Variants in HNRNPA1L2 observed in about 807,000 individuals in gnomAD.
HNRNPA1L2 encodes heterogeneous nuclear ribonucleoprotein A1 like 2.
Under a neutral mutation model 18.2 loss-of-function variants are expected in HNRNPA1L2, and 10 were observed. The observed-to-expected ratio is 0.55, with a 90% CI of 0.34 to 0.93. The LOEUF is 0.93. HNRNPA1L2 is among the 40% of genes least tolerant of loss of function. The pLI is 0.02. For synonymous variants in HNRNPA1L2, 124 were observed against 138.6 expected (o/e 0.89, Z 0.74); for missense variants, 308 against 394.4 (o/e 0.78, Z 1.85).
chr13:52,630,349 C>G, the HNRNPA1L2 span, among the ~76,000 whole-genome samples: 1 of 152,016 alleles, frequency 6.6e-6, no homozygotes, highest in Non-Finnish European at 1.5e-5. Flanking sequence ...CCATCTTGGC[C>G]CACTGCAACC....
chr13:52,635,575 A>AAC, the HNRNPA1L2 span, among the ~76,000 whole-genome samples: 5,148 of 143,260 alleles, frequency 0.036, 115 homozygotes, highest in East Asian at 0.095. Context: ...GTCCTTTTGC[A>AAC]ACACACACAC....
rs754645942 is a variant in HNRNPA1L2 at position 52,643,314 on chromosome 13, A to G, written c.822A>G (p.Gly274=). 2.8e-5 allele frequency: 44 copies of G among 1,596,596 alleles called. No homozygotes were observed. Among genetic ancestry groups the G allele is most frequent in the Non-Finnish European group, 3.1e-5 (37 of 1,179,084 alleles). ...ACAACAATCAGTCTTCAAATTTTGG[A>G]CCCATGAAGGGAGGAAATTTTGGAG... The part of the protein sequence containing the change: ...GNYNNQSSNF[G]PMKGGNFGGR... The change falls in exon 1 of 1, where the codon GGA becomes GGG. Residue 274 remains glycine, a synonymous_variant. Transcript: ENST00000357495.
At chr13:52,622,413 G>C in the HNRNPA1L2 span, 7,016 of 152,272 alleles carry the variant, frequency 0.046, 172 homozygotes, top group South Asian at 0.085. Context: ...AACACAGGGA[G>C]TCTAATAATT....
the HNRNPA1L2 span, among the ~76,000 whole-genome samples, chr13:52,630,654 T>C: frequency 6.6e-6 from 1 of 152,224 alleles, no homozygotes; most frequent in Non-Finnish European, 1.5e-5. Flanking sequence ...TTAAGTAAAA[T>C]CAGGCACTTG....
chr13:52,631,146 G>C, the HNRNPA1L2 span, among the ~76,000 whole-genome samples: 1 of 152,106 alleles, frequency 6.6e-6, no homozygotes, highest in East Asian at 1.9e-4. Context: ...ATCAACCCCA[G>C]ACAACCCAGG....
chr13:52,623,993 G>A, the HNRNPA1L2 span, among the ~76,000 whole-genome samples: 1 of 152,326 alleles, frequency 6.6e-6, no homozygotes, highest in East Asian at 1.9e-4. Flanking sequence ...TTAGCTGAGG[G>A]TGTTAGCAGA....
upstream of HNRNPA1L2, chr13:52,642,130 T>A: frequency 7.7e-6 from 2 of 259,452 alleles, no homozygotes; most frequent in Non-Finnish European, 1.5e-5. Context: ...TATATACCCC[T>A]TCTTAAACCA....
the HNRNPA1L2 span, among the ~76,000 whole-genome samples, chr13:52,625,810 C>T: frequency 6.6e-5 from 10 of 152,030 alleles, no homozygotes; most frequent in African/African-American, 1.9e-4. Context: ...CAGGGTGTTG[C>T]TCTGTGGCCC....
At position 52,643,411 on chromosome 13, in the gene HNRNPA1L2, G is replaced by A. The variant is rs753291696; in HGVS notation, c.919G>A (p.Val307Ile). The A allele has an allele frequency of 4.4e-5, 70 of 1,598,498 alleles. No individual in the cohort carries two copies. The highest frequency in any genetic ancestry group is 2.0e-4 in the East Asian group (9 of 44,890). ...AKPQNQGGYG[V>I]SSSSSSYGSG... ...ACCACAAAACCAAGGTGGCTATGGCGTTTCCAGCAGCAGCAGTAGCTATGG... is the reference window on the plus strand; with the variant it reads ...ACCACAAAACCAAGGTGGCTATGGCATTTCCAGCAGCAGCAGTAGCTATGG... Residue 307 changes from valine to isoleucine, a missense_variant, in exon 1 of 1, where the codon GTT becomes ATT. Physicochemically the swap from Val to Ile is conservative, Grantham distance 29. Coordinates refer to ENST00000357495, the MANE Select transcript of HNRNPA1L2 (RefSeq NM_001389320.1).
chr13:52,636,024 A>G, the HNRNPA1L2 span, among the ~76,000 whole-genome samples: 1 of 152,102 alleles, frequency 6.6e-6, no homozygotes, highest in East Asian at 1.9e-4. Flanking sequence ...TTTAGTAAAG[A>G]TGGGGTTTCA....
At chr13:52,632,635 T>C in the HNRNPA1L2 span, 2 of 152,538 alleles carry the variant, frequency 1.3e-5, no homozygotes, top group Admixed American at 1.3e-4. Flanking sequence ...AATGTGGCGG[T>C]TGTTAGAAGG....
the HNRNPA1L2 span, among the ~76,000 whole-genome samples, chr13:52,637,048 G>A: frequency 5.3e-5 from 8 of 152,166 alleles, no homozygotes; most frequent in African/African-American, 1.7e-4. Context: ...GGTCAGGCTG[G>A]TATTGAACTC....
At chr13:52,617,807 T>G in the HNRNPA1L2 span, 1 of 393,132 alleles carries the variant, frequency 2.5e-6, no homozygotes. Context: ...TAGAAGCTAT[T>G]GCTTTAAATC....
the HNRNPA1L2 span, among the ~76,000 whole-genome samples, chr13:52,620,821 T>A: frequency 6.6e-6 from 1 of 151,674 alleles, no homozygotes; most frequent in Non-Finnish European, 1.5e-5. Context: ...GAGGCTGCAG[T>A]GAGCCAAGAT....
the HNRNPA1L2 span, among the ~76,000 whole-genome samples, chr13:52,634,071 G>A: frequency 8.0e-3 from 1,221 of 152,218 alleles, 5 homozygotes; most frequent in African/African-American, 0.019. Flanking sequence ...CATCTATAAA[G>A]GAAAGTAGTG....
Position 52,642,889 on chromosome 13 carries a change from G to A in HNRNPA1L2, c.397G>A (p.Val133Ile). 1.3e-6 allele frequency: 2 copies of A among 1,596,736 alleles called. No homozygotes were observed. The highest frequency in any genetic ancestry group is 1.7e-6 in the Non-Finnish European group (2 of 1,179,764). The change falls in exon 1 of 1, where the codon GTA becomes ATA. Residue 133 changes from valine (V) to isoleucine (I), a missense_variant. Coordinates refer to ENST00000357495, the MANE Select transcript of HNRNPA1L2 (RefSeq NM_001389320.1). ...DYFEQYGKIEVIEIMTDRGSG... is the reference protein window; with the variant it reads ...DYFEQYGKIEIIEIMTDRGSG... ...TTTTGAACAGTATGGAAAAATTGAA[G>A]TAATTGAAATCATGACTGACCGAGG... is the stretch of plus-strand genomic sequence containing the variant.
chr13:52,623,865 G>A, the HNRNPA1L2 span, among the ~76,000 whole-genome samples: 1 of 152,238 alleles, frequency 6.6e-6, no homozygotes, highest in African/African-American at 2.4e-5. Context: ...GGGAAGGCCA[G>A]TCTGTGCTCT....
chr13:52,619,142 G>T, the HNRNPA1L2 span, among the ~76,000 whole-genome samples: 1 of 151,922 alleles, frequency 6.6e-6, no homozygotes, highest in Non-Finnish European at 1.5e-5. Context: ...TGAGTAGCTG[G>T]GATTACAGGC....
chr13:52,622,765 C>T, the HNRNPA1L2 span, among the ~76,000 whole-genome samples: 1 of 152,132 alleles, frequency 6.6e-6, no homozygotes, highest in Non-Finnish European at 1.5e-5. Context: ...CTGGCTTCCT[C>T]AGAGCATTGT....
Sources: gnomAD v4.1 joint callset for allele counts (sites outside exome capture counted in the v4.1 genomes callset) on GRCh38, gnomAD v4.1.1 for gene constraint, MANE v1.5 for transcripts, NCBI Gene and HGNC (gene_info 2026-07-23, HGNC 2026-07-21) for gene names.